The following SLC35F4 variants were observed in gnomAD, a reference collection of about 807,000 sequenced individuals.
SLC35F4 encodes chromosome 14 open reading frame 36.
SLC35F4 carries 24 observed loss-of-function variants against 44.2 expected under a neutral mutation model. The ratio of observed to expected loss-of-function variants is 0.54; its 90% CI spans 0.39 to 0.76. The LOEUF is 0.76. SLC35F4 is among the 30% of genes least tolerant of loss of function. SLC35F4 has a pLI of 0.00. For missense variants in SLC35F4, 562 were observed against 586.1 expected (o/e 0.96, Z 0.42); for synonymous variants, 238 against 223.6 (o/e 1.06, Z -0.57).
chr14:57,824,793 G>C (rs1883548456), intron 1 of SLC35F4, among the ~76,000 whole-genome samples: 2 of 152,162 alleles, frequency 1.3e-5, no homozygotes, highest in Admixed American at 1.3e-4. Context: ...TTGATTGTGT[G>C]CTCACGGAAG....
In SLC35F4 at chr14:57,894,407, C is replaced by T. The variant is rs118133000; in HGVS notation, n.282+87506G>A. Among the ~76,000 whole-genome samples, 232 of 152,144 alleles carry T rather than the reference C, an allele frequency of 1.5e-3. 3 individuals are homozygous for T. The East Asian group carries it at 0.029, about 19-fold the overall frequency. ...AAGTGCCCAGCAAGGGAAGAAATGGCTTCACAAGCTTTATGATAAGCTTGT... is the reference window on the plus strand; with the variant it reads ...AAGTGCCCAGCAAGGGAAGAAATGGTTTCACAAGCTTTATGATAAGCTTGT... On this transcript the variant is annotated intron_variant and non_coding_transcript_variant, in intron 1 of 1. Coordinates refer to the SLC35F4 transcript ENST00000556568.
intron 1 of SLC35F4, among the ~76,000 whole-genome samples, chr14:57,847,430 TAATTCTTTATCTTCTGTTACTTTGAA>T (rs1337832694): frequency 2.6e-5 from 4 of 152,178 alleles, no homozygotes; most frequent in Non-Finnish European, 4.4e-5. Flanking sequence ...CACACAAAAG[TAATTCTTTATCTTCTGTTACTTTGAA>T]AATTCTTTAT....
intron 1 of SLC35F4, among the ~76,000 whole-genome samples, chr14:57,724,390 T>C (rs2076154536): frequency 6.6e-6 from 1 of 152,196 alleles, no homozygotes; most frequent in Admixed American, 6.5e-5. Context: ...GAGAGACAGC[T>C]GTTGGCCTGT....
rs991045044 is a variant in SLC35F4, at chr14:57,737,996, C to G, written c.103+127727G>C. 3.9e-5 allele frequency among the ~76,000 whole-genome samples: 6 copies of G among 152,266 alleles called. No homozygotes were observed. The South Asian group carries it at 1.2e-3, about 32-fold the overall frequency. On this transcript the variant is annotated intron_variant, in intron 1 of 7. Transcript: ENST00000556826. ...CTATTAGGGCCAAGATTTAAACATG[C>G]TAAAACTTGGAGCAAGAAAAAACAT...
At chr14:57,569,428 G>T (rs116410465) in intron 6 of SLC35F4, among the ~76,000 whole-genome samples, 102 of 152,040 alleles carry the variant, frequency 6.7e-4, no homozygotes, top group African/African-American at 2.4e-3. Context: ...TGAATGCACC[G>T]TCTACTCCCT....
intron 1 of SLC35F4, among the ~76,000 whole-genome samples, chr14:57,732,948 G>A (rs548854783): frequency 6.6e-6 from 1 of 152,146 alleles, no homozygotes; most frequent in African/African-American, 2.4e-5. Flanking sequence ...AAGTGCTAAA[G>A]TTTTTGAAGA....
chr14:57,787,233 A>C (rs1490094673), intron 1 of SLC35F4, among the ~76,000 whole-genome samples: 3 of 152,170 alleles, frequency 2.0e-5, no homozygotes, highest in Admixed American at 1.3e-4. Context: ...AAAAGAAAAC[A>C]TGAACAAAGC....
At chr14:57,978,749 T>G (rs1341015521) in intron 1 of SLC35F4, among the ~76,000 whole-genome samples, 1 of 152,228 alleles carries the variant, frequency 6.6e-6, no homozygotes, top group African/African-American at 2.4e-5. Flanking sequence ...TTTCTCACCC[T>G]GCAAACCTAA....
intron 3 of SLC35F4, 132 bp from the exon 4 acceptor site, chr14:57,581,565 AC>A: frequency 1.2e-6 from 1 of 805,804 alleles, no homozygotes; most frequent in South Asian, 1.9e-5. Context: ...AGTATACTGA[AC>A]CCAGTTCTGA....
At chr14:57,642,879 T>C (rs2073314764) in intron 1 of SLC35F4, among the ~76,000 whole-genome samples, 1 of 152,016 alleles carries the variant, frequency 6.6e-6, no homozygotes. Flanking sequence ...TTACCCTATC[T>C]CCCATTTATT....
chr14:57,855,346 A>C (rs1334870901), intron 1 of SLC35F4, among the ~76,000 whole-genome samples: 2 of 152,220 alleles, frequency 1.3e-5, no homozygotes, highest in Admixed American at 6.5e-5. Flanking sequence ...ACAAGAAAAA[A>C]AAACAAACAA....
intron 1 of SLC35F4, among the ~76,000 whole-genome samples, chr14:57,831,141 G>A (rs2140936229): frequency 6.6e-6 from 1 of 152,276 alleles, no homozygotes; most frequent in South Asian, 2.1e-4. Context: ...GCAGAGCAGG[G>A]AGGTGATTTT....
At chr14:57,857,131 G>C (rs770018181) in intron 1 of SLC35F4, among the ~76,000 whole-genome samples, 3 of 151,882 alleles carry the variant, frequency 2.0e-5, no homozygotes, top group Non-Finnish European at 4.4e-5. Context: ...ACAAAAATTA[G>C]CTGGGCATGG....
chr14:57,678,424 T>A (rs1329301107), intron 1 of SLC35F4, among the ~76,000 whole-genome samples: 1 of 152,008 alleles, frequency 6.6e-6, no homozygotes, highest in Non-Finnish European at 1.5e-5. Flanking sequence ...ACATGCCAAT[T>A]GTAAAGATCA....
At chr14:57,589,087 C>T in intron 3 of SLC35F4, 129 bp downstream of exon 3, 1 of 992,904 alleles carries the variant, frequency 1.0e-6, no homozygotes, top group Non-Finnish European at 1.5e-6. Flanking sequence ...TAGTGCTCGT[C>T]TCCAACCTTA....
chr14:57,782,084 T>G (rs533045035), intron 1 of SLC35F4, among the ~76,000 whole-genome samples: 1 of 152,246 alleles, frequency 6.6e-6, no homozygotes, highest in Non-Finnish European at 1.5e-5. Context: ...AAGAAAGTAG[T>G]ACAAGTAAAA....
chr14:57,743,476 AG>A (rs1793176376), intron 1 of SLC35F4, among the ~76,000 whole-genome samples: 1 of 152,224 alleles, frequency 6.6e-6, no homozygotes, highest in Non-Finnish European at 1.5e-5. Context: ...AAAATCTAGA[AG>A]AAATGGATAA....
chr14:57,975,205 G>A (rs540420624), downstream of SLC35F4, among the ~76,000 whole-genome samples: 18 of 152,216 alleles, frequency 1.2e-4, no homozygotes, highest in Non-Finnish European at 2.2e-4. Context: ...GAGTCCCAGA[G>A]AGGCTTGCTA....
rs148916549 is a variant in SLC35F4 at position 57,798,718 on chromosome 14, G to A, written c.103+67005C>T. Reference sequence around the variant, plus strand: ...TAGGAAATGTGCACATATCTGTTCTGTAATTAAATGGTAAATGTTGCCATT... The same window carrying A: ...TAGGAAATGTGCACATATCTGTTCTATAATTAAATGGTAAATGTTGCCATT... On this transcript the variant is annotated intron_variant, in intron 1 of 7. Transcript: ENST00000556826. Among the ~76,000 whole-genome samples, 179 of 152,308 alleles carry A rather than the reference G, an allele frequency of 1.2e-3. 1 individual carries two copies. Among genetic ancestry groups the A allele is most frequent in the African/African-American group, 4.0e-3 (167 of 41,564 alleles).
Sources: allele counts gnomAD v4.1 joint callset (sites outside exome capture counted in the v4.1 genomes callset), GRCh38; gene constraint gnomAD v4.1.1; transcripts MANE v1.5; gene names NCBI Gene and HGNC (gene_info 2026-07-23, HGNC 2026-07-21).